Variants in CYP4X1 observed in about 807,000 individuals in gnomAD.
CYP4X1 encodes the protein cytochrome P450 4X1.
In CYP4X1, 44 loss-of-function variants were observed where a neutral mutation model predicts 57.9. That is an observed-to-expected ratio of 0.76 (90% CI 0.60 to 0.98). The LOEUF (loss-of-function observed/expected upper bound fraction) is 0.98. Among genes scored for constraint, CYP4X1 ranks in the 50% least tolerant of loss-of-function variants. CYP4X1 has a pLI of 0.00. For synonymous variants in CYP4X1, 227 were observed against 228.6 expected, an observed-to-expected ratio of 0.99 and a Z score of 0.06; for missense variants, 532 against 623.9, an observed-to-expected ratio of 0.85 and a Z score of 1.57.
Position 47,039,445 on chromosome 1 carries a change from T to C in CYP4X1, c.986T>C (p.Leu329Pro), listed in dbSNP as rs1371616551. 5.6e-6 allele frequency: 9 copies of C among 1,613,500 alleles called. No homozygotes were observed. Among genetic ancestry groups the C allele is most frequent in the Non-Finnish European group, 7.6e-6 (9 of 1,179,798 alleles). ...DTLAASISWI[L>P]YCLALNPEHQ... ...TTGGCAGCAAGCATCTCCTGGATCCTTTACTGCCTGGCTCTGAACCCTGAG... is the reference window on the plus strand; with the variant it reads ...TTGGCAGCAAGCATCTCCTGGATCCCTTACTGCCTGGCTCTGAACCCTGAG... Residue 329 changes from leucine to proline, a missense_variant, in exon 8 of 12, where the codon CTT becomes CCT. By Grantham distance (98) the Leu-to-Pro change is moderately conservative (BLOSUM62 -3). Transcript: ENST00000371901.
chr1:46,980,935 A>G, the CYP4X1 span, among the ~76,000 whole-genome samples: 7 of 138,214 alleles, frequency 5.1e-5, no homozygotes, highest in Non-Finnish European at 1.1e-4. Flanking sequence ...CCATATGTAG[A>G]AAGCTGAAAC....
chr1:46,976,900 A>G, the CYP4X1 span, among the ~76,000 whole-genome samples: 4 of 152,188 alleles, frequency 2.6e-5, no homozygotes, highest in African/African-American at 7.2e-5. Flanking sequence ...TAGAAGGAAA[A>G]CTGACAGACA....
At chr1:46,972,095 AC>A in the CYP4X1 span, among the ~76,000 whole-genome samples, 3 of 152,102 alleles carry the variant, frequency 2.0e-5, no homozygotes, top group Non-Finnish European at 2.9e-5. Context: ...TATTTAATCC[AC>A]CTTGAGTTGA....
chr1:47,033,846 T>C (rs75229021), intron 4 of CYP4X1, among the ~76,000 whole-genome samples: 3 of 152,338 alleles, frequency 2.0e-5, no homozygotes, highest in East Asian at 1.9e-4. Flanking sequence ...CCAGGAATTA[T>C]AGACCATGGG....
the CYP4X1 span, among the ~76,000 whole-genome samples, chr1:47,015,880 C>G: frequency 6.6e-6 from 1 of 152,200 alleles, no homozygotes; most frequent in African/African-American, 2.4e-5. Flanking sequence ...TACTGCCCCT[C>G]TCTTAGAATC....
chr1:47,019,463 A>G (rs1643973999), upstream of CYP4X1, among the ~76,000 whole-genome samples: 1 of 152,246 alleles, frequency 6.6e-6, no homozygotes, highest in African/African-American at 2.4e-5. Context: ...GACTTTTGTT[A>G]CATTCCAGCC....
At chr1:46,973,961 C>A in the CYP4X1 span, among the ~76,000 whole-genome samples, 1 of 151,900 alleles carries the variant, frequency 6.6e-6, no homozygotes, top group Non-Finnish European at 1.5e-5. Flanking sequence ...TTTCTGCTAG[C>A]TTTCAAATTG....
chr1:47,030,980 C>T (rs576634412), intron 2 of CYP4X1, among the ~76,000 whole-genome samples: 1 of 152,190 alleles, frequency 6.6e-6, no homozygotes, highest in East Asian at 1.9e-4. Flanking sequence ...GCCAGCTAGT[C>T]ATGTTCACCT....
Position 47,023,822 on chromosome 1 carries a change from A to G in CYP4X1, c.5A>G (p.Glu2Gly), listed in dbSNP as rs753506647. The G allele has an allele frequency of 6.2e-7, 1 of 1,612,798 alleles. No individual in the cohort carries two copies. The highest frequency in any genetic ancestry group is 1.7e-5 in the Admixed American group (1 of 60,014). The change falls in exon 1 of 12, where the codon GAA (glutamate) becomes GGA (glycine). Residue 2 changes from glutamate (E) to glycine (G), a missense_variant. Glu to Gly is a moderately conservative substitution (Grantham distance 98, BLOSUM62 -2). Transcript: ENST00000371901. M[E>G]FSWLETRWAR... is the part of the protein sequence containing the mutation. ...CGTTCGGCGCTGCGCAGAGCCATGG[A>G]ATTCTCCTGGCTGGAGACGCGCTGG... is the stretch of plus-strand genomic sequence containing the variant.
the CYP4X1 span, among the ~76,000 whole-genome samples, chr1:47,006,729 A>C: frequency 6.6e-6 from 1 of 152,156 alleles, no homozygotes. Flanking sequence ...GGTCACACAC[A>C]CCCTAATACT....
At chr1:46,971,023 G>A in the CYP4X1 span, among the ~76,000 whole-genome samples, 2 of 152,116 alleles carry the variant, frequency 1.3e-5, no homozygotes, top group Non-Finnish European at 2.9e-5. Context: ...AGATTATTTT[G>A]TCACCCAGAT....
At chr1:47,019,346 A>C (rs1049904680), upstream of CYP4X1, among the ~76,000 whole-genome samples, 2 of 152,164 alleles carry the variant, frequency 1.3e-5, no homozygotes, top group African/African-American at 4.8e-5. Context: ...GAGTTTCTTC[A>C]GATTCCCAAT....
the CYP4X1 span, among the ~76,000 whole-genome samples, chr1:46,962,369 C>T: frequency 1.2e-3 from 176 of 152,252 alleles, no homozygotes; most frequent in African/African-American, 3.8e-3. Context: ...CTGCCCACCT[C>T]GGTCTCCCAA....
the CYP4X1 span, among the ~76,000 whole-genome samples, chr1:47,009,446 C>T: frequency 1.3e-5 from 2 of 151,866 alleles, no homozygotes; most frequent in Admixed American, 1.3e-4. Context: ...TAAATGCTCA[C>T]AAAAGAAAGC....
At chr1:46,981,895 C>T in the CYP4X1 span, among the ~76,000 whole-genome samples, 2 of 152,220 alleles carry the variant, frequency 1.3e-5, no homozygotes, top group African/African-American at 4.8e-5. Flanking sequence ...GAAAACCAAA[C>T]ACCACTTGTT....
chr1:46,973,329 TA>T, the CYP4X1 span, among the ~76,000 whole-genome samples: 2 of 152,150 alleles, frequency 1.3e-5, no homozygotes, highest in African/African-American at 2.4e-5. Flanking sequence ...TTCAGTTTGC[TA>T]ATATTTTTTT....
intron 8 of CYP4X1, among the ~76,000 whole-genome samples, chr1:47,041,231 G>T (rs1022730462): frequency 1.3e-5 from 2 of 152,108 alleles, no homozygotes; most frequent in South Asian, 4.1e-4. Context: ...CTGGGCTATT[G>T]TGAATAATGC....
chr1:47,040,528 G>T (rs1323758490), intron 8 of CYP4X1, among the ~76,000 whole-genome samples: 1 of 152,000 alleles, frequency 6.6e-6, no homozygotes, highest in Non-Finnish European at 1.5e-5. Context: ...CATTATAAAA[G>T]TATATCAGAG....
chr1:47,032,022 G>A (rs1382786733), intron 3 of CYP4X1, among the ~76,000 whole-genome samples: 2 of 151,876 alleles, frequency 1.3e-5, no homozygotes, highest in African/African-American at 4.8e-5. Context: ...CAGACTAGGT[G>A]ACAGAGCAAA....
Sources: allele counts gnomAD v4.1 joint callset (sites outside exome capture counted in the v4.1 genomes callset), GRCh38; gene constraint gnomAD v4.1.1; transcripts MANE v1.5; gene names NCBI Gene and HGNC (gene_info 2026-07-23, HGNC 2026-07-21).